The following WDFY3 variants were observed in gnomAD, a reference collection of about 807,000 sequenced individuals.
WDFY3 encodes WD repeat and FYVE domain-containing protein 3.
A neutral mutation model predicts 409.6 loss-of-function variants in WDFY3; 66 were observed. The ratio of observed to expected loss-of-function variants is 0.16; its 90% CI spans 0.13 to 0.20. The LOEUF (loss-of-function observed/expected upper bound fraction) is 0.20. Ranked by LOEUF, WDFY3 falls within the 10% of genes least tolerant of loss-of-function variation. The pLI, the probability that WDFY3 is intolerant of heterozygous loss-of-function variation, is 1.00. For missense variants in WDFY3, 3,031 were observed against 4,298.1 expected, an observed-to-expected ratio of 0.71 and a Z score of 8.24; for synonymous variants, 1,521 against 1,537.1, an observed-to-expected ratio of 0.99 and a Z score of 0.25.
At chr4:84,880,864 T>G (rs910313011) in intron 3 of WDFY3, among the ~76,000 whole-genome samples, 1 of 150,184 alleles carries the variant, frequency 6.7e-6, no homozygotes, top group Non-Finnish European at 1.5e-5. Flanking sequence ...ATTACAGGCA[T>G]GCACCACCAT....
Position 84,849,888 on chromosome 4 carries a change from T to C in WDFY3, c.304+14A>G. The C allele has an allele frequency of 1.2e-6, 2 of 1,607,896 alleles. No individual in the cohort carries two copies. The highest frequency in any genetic ancestry group is 1.1e-5 in the South Asian group (1 of 89,128). ...TTCAAACAAATCAGTTTTTGCTGGC[T>C]ACTGTAAAAATACCTGTGGATTTGT... On this transcript the variant is annotated intron_variant, in intron 5 of 67. Transcript: ENST00000295888.
chr4:84,778,736 CACAA>C lies in WDFY3; in HGVS notation c.4366-85_4366-82del, dbSNP rs1212475085. 5.4e-5 allele frequency: 73 copies of C among 1,362,352 alleles called. 1 individual carries two copies. The East Asian group carries it at 1.0e-3, about 19-fold the overall frequency. The allele number at this position is 1,362,352 out of a possible 1,614,324, so 84.4% of individuals were successfully genotyped here. Reference sequence around the variant, plus strand: ...ACACACACAAACACACACATACACACACAAACACACACATACACACACAAACACA... The same window carrying C: ...ACACACACAAACACACACATACACACACACACACATACACACACAAACACA... On this transcript the variant is annotated intron_variant, in intron 26 of 67. Transcript: ENST00000295888.
intron 6 of WDFY3, among the ~76,000 whole-genome samples, chr4:84,838,439 A>C (rs1756888875): frequency 6.6e-6 from 1 of 152,248 alleles, no homozygotes; most frequent in African/African-American, 2.4e-5. Context: ...GTGATGACCC[A>C]GTGAAGTGTT....
At chr4:84,963,737 T>C (rs1775240403) in intron 1 of WDFY3, among the ~76,000 whole-genome samples, 1 of 152,222 alleles carries the variant, frequency 6.6e-6, no homozygotes, top group African/African-American at 2.4e-5. Context: ...CAAAGTCTAG[T>C]ATACCCTGTT....
intron 2 of WDFY3, among the ~76,000 whole-genome samples, chr4:84,906,669 T>A (rs1042417324): frequency 6.6e-6 from 1 of 152,194 alleles, no homozygotes; most frequent in African/African-American, 2.4e-5. Flanking sequence ...CTTTAAATCA[T>A]GCTTGTACAA....
intron 3 of WDFY3, among the ~76,000 whole-genome samples, chr4:84,875,102 T>C (rs2150347059): frequency 6.6e-6 from 1 of 152,112 alleles, no homozygotes; most frequent in Non-Finnish European, 1.5e-5. Context: ...ACCCCGTCTC[T>C]ACTAAAAATA....
At chr4:84,692,107 G>C (rs746283666) in intron 59 of WDFY3, among the ~76,000 whole-genome samples, 1 of 152,278 alleles carries the variant, frequency 6.6e-6, no homozygotes, top group East Asian at 1.9e-4. Context: ...ATGTCATAGG[G>C]ACACAGATTA....
chr4:84,767,705 C>T (rs1210125739), intron 30 of WDFY3, among the ~76,000 whole-genome samples: 2 of 151,954 alleles, frequency 1.3e-5, no homozygotes, highest in Admixed American at 1.3e-4. Flanking sequence ...TCATCTACAA[C>T]ATTCCCTTAA....
chr4:84,709,893 A>G (rs1348469727), intron 51 of WDFY3, among the ~76,000 whole-genome samples: 1 of 152,024 alleles, frequency 6.6e-6, no homozygotes, highest in East Asian at 1.9e-4. Flanking sequence ...CGCCCAGCTA[A>G]TTTTTGTATT....
At chr4:84,805,680 G>C (rs1440735181) in intron 15 of WDFY3, among the ~76,000 whole-genome samples, 2 of 152,020 alleles carry the variant, frequency 1.3e-5, no homozygotes, top group Non-Finnish European at 2.9e-5. Context: ...CCTCTTTTGG[G>C]AATACATAAT....
chr4:84,690,328 C>A (rs768089780), intron 61 of WDFY3, among the ~76,000 whole-genome samples, 178 bp downstream of exon 61: 6 of 152,074 alleles, frequency 3.9e-5, no homozygotes, highest in African/African-American at 2.4e-5. Flanking sequence ...TTGTTAGAAA[C>A]AACCTATTCT....
chr4:84,866,101 A>G (rs934616553), intron 3 of WDFY3, among the ~76,000 whole-genome samples: 2 of 152,126 alleles, frequency 1.3e-5, no homozygotes, highest in Middle Eastern at 3.2e-3. Context: ...ATAATTTTTT[A>G]AACAGGAGCT....
chr4:84,800,300 T>C (rs1362331492), intron 17 of WDFY3, among the ~76,000 whole-genome samples: 1 of 152,330 alleles, frequency 6.6e-6, no homozygotes, highest in South Asian at 2.1e-4. Context: ...AGAGGAGTAC[T>C]CTAATAATAA....
intron 24 of WDFY3, among the ~76,000 whole-genome samples, chr4:84,785,135 C>T (rs879924185): frequency 6.6e-6 from 1 of 151,836 alleles, no homozygotes. Flanking sequence ...CTCCATAATG[C>T]CTCCCATCTT....
chr4:84,824,966 A>G (rs1754637034), intron 10 of WDFY3, among the ~76,000 whole-genome samples: 1 of 152,162 alleles, frequency 6.6e-6, no homozygotes, highest in South Asian at 2.1e-4. Flanking sequence ...GATGTTTAGA[A>G]AAGTTAGGTC....
chr4:84,943,540 C>T (rs1176176406), intron 1 of WDFY3, among the ~76,000 whole-genome samples: 1 of 151,970 alleles, frequency 6.6e-6, no homozygotes, highest in East Asian at 1.9e-4. Context: ...ATACATATAA[C>T]CCACAAGATG....
At chr4:84,818,437 A>T (rs114491703) in intron 12 of WDFY3, among the ~76,000 whole-genome samples, 43 of 152,228 alleles carry the variant, frequency 2.8e-4, no homozygotes, top group African/African-American at 9.9e-4. Flanking sequence ...ATTATTGCTT[A>T]TGTTTGGTCT....
At chr4:84,839,971 C>A (rs1224696386) in intron 6 of WDFY3, among the ~76,000 whole-genome samples, 1 of 152,156 alleles carries the variant, frequency 6.6e-6, no homozygotes, top group East Asian at 1.9e-4. Flanking sequence ...GGGTTACTGA[C>A]AGGTTTCAGG....
chr4:84,889,663 C>T (rs1435011881), intron 3 of WDFY3, among the ~76,000 whole-genome samples: 13 of 152,088 alleles, frequency 8.5e-5, no homozygotes, highest in African/African-American at 1.4e-4. Flanking sequence ...ATCTATGTGA[C>T]GTCAGGAAAA....
Sources: gnomAD v4.1 joint callset for allele counts (sites outside exome capture counted in the v4.1 genomes callset) on GRCh38, gnomAD v4.1.1 for gene constraint, MANE v1.5 for transcripts, NCBI Gene and HGNC (gene_info 2026-07-23, HGNC 2026-07-21) for gene names.